Variants in AFF4 observed in about 807,000 individuals in gnomAD.
AFF4 encodes the protein AF4/FMR2 family member 4.
Under a neutral mutation model 124.8 loss-of-function variants are expected in AFF4, and 13 were observed. The ratio of observed to expected loss-of-function variants is 0.10; its 90% CI spans 0.07 to 0.17. The LOEUF (loss-of-function observed/expected upper bound fraction) is 0.17, where lower values mean the gene tolerates loss of function less well. Among genes scored for constraint, AFF4 ranks in the 10% least tolerant of loss-of-function variants. The pLI is 1.00. For missense variants in AFF4, 1,092 were observed against 1,403.8 expected (o/e 0.78, Z 3.55); for synonymous variants, 477 against 496.1 (o/e 0.96, Z 0.51).
intron 2 of AFF4, 30 bp downstream of exon 2, chr5:132,937,037 G>A (rs200205838): frequency 9.4e-5 from 148 of 1,577,792 alleles, no homozygotes; most frequent in Non-Finnish European, 7.6e-5. Context: ...ATGCTAATGG[G>A]AAAAAAACAT....
In AFF4 at chr5:132,885,101, G is replaced by C. The variant is rs1760080387; in HGVS notation, c.3118C>G (p.Gln1040Glu). The C allele has an allele frequency of 6.3e-7, 1 of 1,595,884 alleles. No homozygotes were observed. Among genetic ancestry groups the C allele is most frequent in the Admixed American group, 1.7e-5 (1 of 57,294 alleles). The change falls in exon 19 of 21, where the codon CAA becomes GAA. Residue 1040 changes from glutamine to glutamate, a missense_variant. Gln to Glu is a conservative substitution (Grantham distance 29). Coordinates refer to ENST00000265343, the MANE Select transcript of AFF4 (RefSeq NM_014423.4). ...EHLKNSYNNSQAPSPGLGSKA... is the reference protein window; with the variant it reads ...EHLKNSYNNSEAPSPGLGSKA... ...CTTCCCAAGCCAGGCGATGGTGCTT[G>C]AGAATTATTATAAGAATTCTGTGGA... is the stretch of plus-strand genomic sequence containing the variant.
chr5:132,923,229 T>C (rs931860424), intron 5 of AFF4, among the ~76,000 whole-genome samples: 1 of 151,978 alleles, frequency 6.6e-6, no homozygotes, highest in African/African-American at 2.4e-5. Context: ...TGCATGCCTG[T>C]AGTTCCCGCT....
At chr5:132,903,138 GA>G (rs1197822462) in intron 6 of AFF4, among the ~76,000 whole-genome samples, 5 of 151,568 alleles carry the variant, frequency 3.3e-5, no homozygotes, top group African/African-American at 4.8e-5. Context: ...AACAAGCTGA[GA>G]AAAAAAAGGA....
chr5:132,892,312 G>A lies in AFF4; in HGVS notation c.2489C>T (p.Ser830Phe). The change falls in exon 13 of 21, where the codon TCT becomes TTT. Residue 830 changes from serine (S) to phenylalanine (F), a missense_variant. This residue lies in a region of AFF4 where 293 missense variants were observed against 280.2 expected (regional missense o/e 1.05). Transcript: ENST00000265343. ...AGACTGACTAATAGTCCTCTTCCGA[G>A]AGCCATGCTCTGTTTTTGGATCTTT... is the stretch of plus-strand genomic sequence containing the variant. The part of the protein sequence containing the change: ...PSKDPKTEHG[S>F]RKRTISQSSS... The A allele has an allele frequency of 6.2e-7, 1 of 1,614,080 alleles. No homozygotes were observed.
rs910820224 is a variant in AFF4, at chr5:132,879,805, A to G, written c.*1254T>C. 7 of 226,342 alleles carry G rather than the reference A, an allele frequency of 3.1e-5. No homozygotes were observed. In the East Asian group the frequency reaches 3.9e-4, roughly 12 times the overall value. The allele number at this position is 226,342 out of a possible 1,614,324, so 14.0% of individuals were successfully genotyped here. A position where few individuals can be genotyped will look rare whatever the true frequency, so the allele number is the denominator to read the frequency against. On this transcript the variant is annotated 3_prime_UTR_variant, in exon 21 of 21. Transcript: ENST00000265343. ...GCTCCACTCCCTGTCCCAAGAGCTC[A>G]CACTGAATCAAGTTAGGTACACTTT... is the stretch of plus-strand genomic sequence containing the variant.
intron 1 of AFF4, among the ~76,000 whole-genome samples, chr5:132,960,321 TA>T (rs932201332): frequency 2.6e-5 from 4 of 151,718 alleles, no homozygotes; most frequent in East Asian, 1.9e-4. Context: ...AAAGCTAAAG[TA>T]AAAAAAAATC....
At chr5:132,942,941 A>T (rs538530658) in intron 1 of AFF4, 51 of 214,976 alleles carry the variant, frequency 2.4e-4, no homozygotes, top group African/African-American at 1.1e-3. Flanking sequence ...GGCTACTGTG[A>T]TGGGAAAGGG....
At chr5:132,897,427 A>G (rs1043853970) in intron 10 of AFF4, among the ~76,000 whole-genome samples, 187 bp from the exon 11 acceptor site, 1 of 152,114 alleles carries the variant, frequency 6.6e-6, no homozygotes, top group Non-Finnish European at 1.5e-5. Flanking sequence ...TAAGAAGATA[A>G]GTGGCCAGGC....
intron 5 of AFF4, among the ~76,000 whole-genome samples, chr5:132,910,251 C>T (rs4380643): frequency 0.36 from 54,857 of 151,908 alleles, 10,390 homozygotes; most frequent in East Asian, 0.59. Flanking sequence ...TTAAATGGGA[C>T]CAATTCAAGG....
chr5:132,899,398 C>T (rs559494291), intron 8 of AFF4, among the ~76,000 whole-genome samples, 189 bp downstream of exon 8: 6 of 151,724 alleles, frequency 4.0e-5, no homozygotes, highest in African/African-American at 1.5e-4. Flanking sequence ...TTGAGGAAAA[C>T]CCAATTTTTT....
chr5:132,962,955 AAG>A (rs1762113702), intron 1 of AFF4, among the ~76,000 whole-genome samples: 1 of 152,066 alleles, frequency 6.6e-6, no homozygotes. Flanking sequence ...GGATATGAAA[AAG>A]TAACAAATCA....
intron 5 of AFF4, among the ~76,000 whole-genome samples, chr5:132,925,372 A>T (rs1227292830): frequency 1.3e-5 from 2 of 152,006 alleles, no homozygotes; most frequent in Non-Finnish European, 2.9e-5. Flanking sequence ...GGGTATGTTT[A>T]TGATCCTAGA....
intron 5 of AFF4, among the ~76,000 whole-genome samples, chr5:132,910,610 T>C (rs1234205172): frequency 6.6e-6 from 1 of 152,128 alleles, no homozygotes; most frequent in Non-Finnish European, 1.5e-5. Flanking sequence ...CCACTTAAAT[T>C]TGGAGAATGA....
chr5:132,881,827 GTT>G (rs749611038), intron 20 of AFF4, among the ~76,000 whole-genome samples: 61 of 130,150 alleles, frequency 4.7e-4, no homozygotes, highest in Non-Finnish European at 6.5e-4. Flanking sequence ...ATACAAAAAA[GTT>G]TTTTTTTTTT....
At chr5:132,913,338 C>T (rs1234098107) in intron 5 of AFF4, among the ~76,000 whole-genome samples, 2 of 152,198 alleles carry the variant, frequency 1.3e-5, no homozygotes, top group South Asian at 2.1e-4. Context: ...TTGGAGTTAA[C>T]TCTCAATAAT....
At chr5:132,959,266 C>T (rs1044553878) in intron 1 of AFF4, among the ~76,000 whole-genome samples, 1 of 151,910 alleles carries the variant, frequency 6.6e-6, no homozygotes, top group African/African-American at 2.4e-5. Flanking sequence ...GCTGGGACTA[C>T]AGGCGCCACC....
At position 132,956,468 on chromosome 5, in the gene AFF4, T is replaced by TA. The variant is rs1200550828; in HGVS notation, c.-5+6790dup. Reference sequence around the variant, plus strand: ...CAACCTGGCAAAACCCCATCTCTACTAAAACTACAAAAATTAGCTAGGTGT... The same window carrying TA: ...CAACCTGGCAAAACCCCATCTCTACTAAAAACTACAAAAATTAGCTAGGTGT... On this transcript the variant is annotated intron_variant, in intron 1 of 20. Coordinates refer to ENST00000265343, the MANE Select transcript of AFF4 (RefSeq NM_014423.4). 3.3e-5 allele frequency among the ~76,000 whole-genome samples: 5 copies of TA among 151,754 alleles called. No individual in the cohort carries two copies. The South Asian group carries it at 8.3e-4, about 25-fold the overall frequency.
rs956005730 is a variant in AFF4 at position 132,896,684 on chromosome 5, G to A, written c.1946C>T (p.Ser649Leu). 3 of 1,614,112 alleles carry A rather than the reference G, an allele frequency of 1.9e-6. No homozygotes were observed. The highest frequency in any genetic ancestry group is 2.5e-6 in the Non-Finnish European group (3 of 1,180,018). Residue 649 changes from serine to leucine, a missense_variant, in exon 11 of 21, where the codon TCA becomes TTA. Physicochemically the swap from Ser to Leu is moderately radical, Grantham distance 145. Transcript: ENST00000265343. ...CTCACTTTCATCTGAATCTGAGGATGAGGTATCTGTTTCTATGATTTCCCT... is the reference window on the plus strand; with the variant it reads ...CTCACTTTCATCTGAATCTGAGGATAAGGTATCTGTTTCTATGATTTCCCT... ...KSREIIETDTSSSDSDESESL... is the reference protein window; with the variant it reads ...KSREIIETDTLSSDSDESESL...
rs755139964 is a variant in AFF4 at position 132,898,217 on chromosome 5, G to A, written c.1389+13C>T. 1.7e-5 allele frequency: 28 copies of A among 1,613,700 alleles called. No homozygotes were observed. The highest frequency in any genetic ancestry group is 1.0e-4 in the Admixed American group (6 of 59,990). On this transcript the variant is annotated intron_variant, in intron 10 of 20. Coordinates refer to ENST00000265343, the MANE Select transcript of AFF4 (RefSeq NM_014423.4). The stretch of plus-strand genomic sequence containing the variant: ...GAGGGCCTGTGGAAGGTACCCCACC[G>A]CCTCTGTCTCACCTCGGGAGATGCA...
Sources: gnomAD v4.1 joint callset for allele counts (sites outside exome capture counted in the v4.1 genomes callset) on GRCh38, gnomAD v4.1.1 for gene constraint, gnomAD v4.1.1 regional missense constraint, MANE v1.5 for transcripts, NCBI Gene and HGNC (gene_info 2026-07-23, HGNC 2026-07-21) for gene names.